CLIP1: variants seen among roughly 807,000 people sequenced by gnomAD.
CLIP1 encodes the protein CAP-Gly domain containing linker protein 1.
In CLIP1, 66 loss-of-function variants were observed where a neutral mutation model predicts 161.6. That is an observed-to-expected ratio of 0.41 (90% CI 0.33 to 0.50). The LOEUF (loss-of-function observed/expected upper bound fraction) is 0.50. Among genes scored for constraint, CLIP1 ranks in the 20% least tolerant of loss-of-function variants. The probability of loss-of-function intolerance (pLI) is 0.27; values close to 1 mark genes in which losing one functional copy is unlikely to be tolerated. For synonymous variants in CLIP1, 598 were observed against 626.2 expected, an observed-to-expected ratio of 0.96 and a Z score of 0.67; for missense variants, 1,376 against 1,702.0, an observed-to-expected ratio of 0.81 and a Z score of 3.37.
intron 20 of CLIP1, among the ~76,000 whole-genome samples, chr12:122,297,272 A>G (rs1950511364): frequency 6.6e-6 from 1 of 152,184 alleles, no homozygotes; most frequent in African/African-American, 2.4e-5. Flanking sequence ...GAAATGAAGG[A>G]CATTAGAAGT....
chr12:122,341,762 C>CCTTT lies in CLIP1; in HGVS notation c.1507-66_1507-65insAAAG, dbSNP rs1566143047. The CCTTT allele has an allele frequency of 1.1e-3, 104 of 98,638 alleles. 3 individuals carry two copies. Among genetic ancestry groups the CCTTT allele is most frequent in the East Asian group, 3.1e-3 (18 of 5,770 alleles). 6.1% of individuals were successfully genotyped at this position (98,638 alleles called of 1,614,324 possible). On this transcript the variant is annotated intron_variant, in intron 10 of 25. Transcript: ENST00000620786. ...AACAAGTCATTGACTATTTTCTTTT[C>CCTTT]TTTTTTTTTTTTTTTTTTTTTTTTT...
chr12:122,284,041 T>G (rs572378599), intron 21 of CLIP1, among the ~76,000 whole-genome samples: 1 of 152,328 alleles, frequency 6.6e-6, no homozygotes, highest in South Asian at 2.1e-4. Flanking sequence ...TAGGCCTACA[T>G]ATGAATCCTT....
intron 3 of CLIP1, chr12:122,365,580 A>G: frequency 2.4e-6 from 3 of 1,274,216 alleles, no homozygotes; most frequent in East Asian, 2.3e-5. Context: ...GTGAGAACCA[A>G]TGGGAAGGAG....
chr12:122,380,160 T>G, intron 2 of CLIP1, among the ~76,000 whole-genome samples: 1 of 151,554 alleles, frequency 6.6e-6, no homozygotes, highest in East Asian at 1.9e-4. Context: ...GGAGAATCGC[T>G]TGAACCCAGG....
rs761523911 is a variant in CLIP1, at chr12:122,341,227, T to C, written c.1977A>G (p.Leu659=). 5.0e-6 allele frequency: 8 copies of C among 1,614,048 alleles called. No individual in the cohort carries two copies. Among genetic ancestry groups the C allele is most frequent in the Non-Finnish European group, 5.9e-6 (7 of 1,180,040 alleles). ...LGTETAEFAE[L]KTQIEKMRLD... ...GTCTCATTTTCTCTATTTGTGTTTT[T>C]AGTTCAGCAAATTCTGCCGTCTCTG... The change falls in exon 11 of 26, where the codon CTA becomes CTG. Residue 659 remains leucine (L), a synonymous_variant. Transcript: ENST00000620786.
At position 122,323,531 on chromosome 12, in the gene CLIP1, T is replaced by A. The variant is rs1386369699; in HGVS notation, c.3250-4183A>T. The A allele has an allele frequency of 6.5e-6, 1 of 152,682 alleles. No individual in the cohort carries two copies. The highest frequency in any genetic ancestry group is 1.5e-5 in the Non-Finnish European group (1 of 68,054). 9.5% of individuals were successfully genotyped at this position (152,682 alleles called of 1,614,324 possible). On this transcript the variant is annotated intron_variant, in intron 17 of 25. Transcript: ENST00000620786. The surrounding 1 kb of genome is among the most constrained non-coding windows in gnomAD (Gnocchi z 4.1). Reference sequence around the variant, plus strand: ...CTTCCTCAGGGCCTTGCTGGCATCATCCAGCTGTGCGCGGAGCCCACTGGC... The same window carrying A: ...CTTCCTCAGGGCCTTGCTGGCATCAACCAGCTGTGCGCGGAGCCCACTGGC...
chr12:122,370,169 A>G (rs1407296757), intron 3 of CLIP1, among the ~76,000 whole-genome samples: 1 of 151,888 alleles, frequency 6.6e-6, no homozygotes, highest in Non-Finnish European at 1.5e-5. Flanking sequence ...CTCAAAAAAA[A>G]AAAAAAAGAA....
In CLIP1 at chr12:122,304,251, G is replaced by C. The variant is rs190124389; in HGVS notation, c.3594+5511C>G. Reference sequence around the variant, plus strand: ...ACTAGACTGGGCACAGGGATGGAGAGAATTCAAGTACAAATTCTCAGGATT... The same window carrying C: ...ACTAGACTGGGCACAGGGATGGAGACAATTCAAGTACAAATTCTCAGGATT... On this transcript the variant is annotated intron_variant, in intron 20 of 25. Coordinates refer to ENST00000620786, the MANE Select transcript of CLIP1 (RefSeq NM_001247997.2). Among the ~76,000 whole-genome samples, 336 of 152,334 alleles carry C rather than the reference G, an allele frequency of 2.2e-3. 3 individuals carry two copies. The highest frequency in any genetic ancestry group is 7.9e-3 in the African/African-American group (328 of 41,578).
chr12:122,385,232 A>T (rs1002766253), intron 1 of CLIP1, among the ~76,000 whole-genome samples: 1 of 152,020 alleles, frequency 6.6e-6, no homozygotes, highest in Non-Finnish European at 1.5e-5. Flanking sequence ...CACACGGCCG[A>T]TGGTAATTTT....
At chr12:122,370,424 G>A (rs1030377803) in intron 3 of CLIP1, among the ~76,000 whole-genome samples, 2 of 152,142 alleles carry the variant, frequency 1.3e-5, no homozygotes, top group African/African-American at 2.4e-5. Flanking sequence ...CATAGCAGAC[G>A]CTCAGGATAT....
Position 122,341,717 on chromosome 12 carries a change from GA to G in CLIP1, c.1507-21del, listed in dbSNP as rs749897176. The G allele has an allele frequency of 1.4e-5, 12 of 869,476 alleles. No homozygotes were observed. The highest frequency in any genetic ancestry group is 2.0e-5 in the African/African-American group (1 of 48,830). The allele number at this position is 869,476 out of a possible 1,614,324, so 53.9% of individuals were successfully genotyped here. A position where few individuals can be genotyped will look rare whatever the true frequency, so the allele number is the denominator to read the frequency against. ...AGCCACCTATTAACAGCAGTCCAAA[GA>G]AAAAAAGATCATTTAAATAACAAGT... On this transcript the variant is annotated intron_variant, in intron 10 of 25. Transcript: ENST00000620786.
intron 20 of CLIP1, among the ~76,000 whole-genome samples, chr12:122,295,506 TGAAA>T (rs751242993): frequency 2.0e-5 from 3 of 152,280 alleles, no homozygotes. Context: ...TTAAATTGAC[TGAAA>T]ATCATTTTAT....
intron 9 of CLIP1, 27 bp downstream of exon 9, chr12:122,351,084 T>C: frequency 6.6e-7 from 1 of 1,520,470 alleles, no homozygotes; most frequent in Non-Finnish European, 8.9e-7. Context: ...ACAAGGGAAA[T>C]ATCCACACAG....
At chr12:122,345,102 T>C (rs1046947297) in intron 10 of CLIP1, among the ~76,000 whole-genome samples, 8 of 151,982 alleles carry the variant, frequency 5.3e-5, no homozygotes, top group African/African-American at 1.9e-4. Flanking sequence ...AGGAACTCAA[T>C]CTCATTAGTC....
Position 122,279,202 on chromosome 12 carries a change from C to T in CLIP1, c.3648-57G>A. On this transcript the variant is annotated intron_variant, in intron 21 of 25. Coordinates refer to ENST00000620786, the MANE Select transcript of CLIP1 (RefSeq NM_001247997.2). The surrounding 1 kb of genome is among the most constrained non-coding windows in gnomAD (Gnocchi z 4.5). Reference sequence around the variant, plus strand: ...ATCAACCGAAAGACTGGTCAGTGTACAACTGTTCTAGAACAAACACATAAT... The same window carrying T: ...ATCAACCGAAAGACTGGTCAGTGTATAACTGTTCTAGAACAAACACATAAT... 1 of 1,134,282 alleles carries T rather than the reference C, an allele frequency of 8.8e-7. No individual in the cohort carries two copies. The highest frequency in any genetic ancestry group is 1.4e-5 in the South Asian group (1 of 70,252). The allele number at this position is 1,134,282 out of a possible 1,614,324, so 70.3% of individuals were successfully genotyped here.
intron 1 of CLIP1, among the ~76,000 whole-genome samples, chr12:122,402,293 G>A (rs1465729399): frequency 6.6e-6 from 1 of 152,156 alleles, no homozygotes; most frequent in Non-Finnish European, 1.5e-5. Flanking sequence ...TTCAAGACAA[G>A]CCTGAGCAAC....
At chr12:122,328,204 C>G in intron 16 of CLIP1, 42 bp from the exon 17 acceptor site, 1 of 1,613,194 alleles carries the variant, frequency 6.2e-7, no homozygotes, top group Non-Finnish European at 8.5e-7. Context: ...TCTGCCCATG[C>G]GTGTACTATC....
At position 122,272,663 on chromosome 12, in the gene CLIP1, G is replaced by A. The variant is rs1393008595; in HGVS notation, c.*212C>T. The A allele has an allele frequency of 2.6e-5, 14 of 533,798 alleles. No homozygotes were observed. The Admixed American group carries it at 2.9e-4, about 11-fold the overall frequency. The allele number at this position is 533,798 out of a possible 1,614,324, so 33.1% of individuals were successfully genotyped here. A position where few individuals can be genotyped will look rare whatever the true frequency, so the allele number is the denominator to read the frequency against. On this transcript the variant is annotated 3_prime_UTR_variant, in exon 26 of 26. Transcript: ENST00000620786. ...CGTAAAAATCAAGAAAACAAAATTC[G>A]AGGTGAAAACTCACCTACTAAATAT...
At chr12:122,335,508 T>C (rs1358313895) in intron 12 of CLIP1, among the ~76,000 whole-genome samples, 2 of 151,392 alleles carry the variant, frequency 1.3e-5, no homozygotes, top group African/African-American at 2.4e-5. Flanking sequence ...CTCAAAACAT[T>C]TTCTTAAAGG....
Sources: gnomAD v4.1 joint callset for allele counts (sites outside exome capture counted in the v4.1 genomes callset) on GRCh38, gnomAD v4.1.1 for gene constraint, Gnocchi (gnomAD v3.1) non-coding constraint, MANE v1.5 for transcripts, NCBI Gene and HGNC (gene_info 2026-07-23, HGNC 2026-07-21) for gene names.